The following CSMD3 variants were observed in gnomAD, a reference collection of about 807,000 sequenced individuals.
The protein encoded by CSMD3 is CUB and Sushi multiple domains 3, also known as CUB and sushi domain-containing protein 3.
A neutral mutation model predicts 435.2 loss-of-function variants in CSMD3; 177 were observed. The ratio of observed to expected loss-of-function variants is 0.41; its 90% CI spans 0.36 to 0.46. The LOEUF (loss-of-function observed/expected upper bound fraction) is 0.46. Ranked by LOEUF, CSMD3 falls within the 20% of genes least tolerant of loss-of-function variation. CSMD3 has a pLI of 0.34. For synonymous variants in CSMD3, 1,656 were observed against 1,520.5 expected (o/e 1.09, Z -2.07); for missense variants, 4,265 against 4,504.6 (o/e 0.95, Z 1.52).
intron 3 of CSMD3, among the ~76,000 whole-genome samples, chr8:113,243,053 G>T (rs1036495121): frequency 6.6e-6 from 1 of 151,736 alleles, no homozygotes; most frequent in Non-Finnish European, 1.5e-5. Context: ...AGTTATTAAA[G>T]CAATTTTAAC....
At chr8:113,064,078 T>C (rs534214842) in intron 5 of CSMD3, among the ~76,000 whole-genome samples, 22 of 151,874 alleles carry the variant, frequency 1.4e-4, no homozygotes, top group Middle Eastern at 3.4e-3. Flanking sequence ...CTATTTATTA[T>C]AGTTACAATG....
chr8:112,314,500 C>G lies in CSMD3; in HGVS notation c.7478G>C (p.Gly2493Ala), dbSNP rs1822276539. Residue 2493 changes from glycine to alanine, a missense_variant, in exon 48 of 71, where the codon GGT (glycine) becomes GCT (alanine). Around this residue, in one of 3 missense-constraint regions of CSMD3, gnomAD observed 3,255 missense variants for 3,380.2 expected, o/e 0.96. Coordinates refer to ENST00000297405, the MANE Select transcript of CSMD3 (RefSeq NM_198123.2). ...MCAWSISVEK[G>A]YNITMFVEFF... ...TTCTACAAACATGGTGATATTATAA[C>G]CCTTTTCCACTGAAATGCTCCATGC... 1.2e-6 allele frequency: 2 copies of G among 1,612,400 alleles called. No individual in the cohort carries two copies. The highest frequency in any genetic ancestry group is 1.7e-6 in the Non-Finnish European group (2 of 1,178,716).
chr8:112,623,911 T>TGAAGGCTAAATTTCA (rs1834277547), intron 22 of CSMD3, among the ~76,000 whole-genome samples: 1 of 152,014 alleles, frequency 6.6e-6, no homozygotes, highest in Admixed American at 6.6e-5. Context: ...AATAAATGAA[T>TGAAGGCTAAATTTCA]GAAGGCTAAA....
At chr8:112,437,345 A>T (rs1215844704) in intron 32 of CSMD3, among the ~76,000 whole-genome samples, 1 of 152,138 alleles carries the variant, frequency 6.6e-6, no homozygotes, top group Non-Finnish European at 1.5e-5. Context: ...ATAAAAAGTA[A>T]GAGTAAAACA....
At chr8:112,600,905 G>A (rs1469219468) in intron 22 of CSMD3, among the ~76,000 whole-genome samples, 2 of 151,980 alleles carry the variant, frequency 1.3e-5, no homozygotes, top group Non-Finnish European at 2.9e-5. Flanking sequence ...TCTCGATCTC[G>A]TGATCCATCC....
At chr8:113,129,823 C>G (rs1290475444) in intron 4 of CSMD3, among the ~76,000 whole-genome samples, 1 of 151,944 alleles carries the variant, frequency 6.6e-6, no homozygotes, top group African/African-American at 2.4e-5. Context: ...ATTCTGACCA[C>G]ATAATGAAAC....
rs73335589 is a variant in CSMD3, at chr8:113,266,382, A to C, written c.514+12210T>G. 2.9e-3 allele frequency among the ~76,000 whole-genome samples: 438 copies of C among 151,414 alleles called. 2 individuals are homozygous for C. The highest frequency in any genetic ancestry group is 9.7e-3 in the African/African-American group (403 of 41,498). On this transcript the variant is annotated intron_variant, in intron 3 of 70. Transcript: ENST00000297405. ...TGCATTTTATGTTACCTATTGTTTT[A>C]ATATACATTCTTGTTTAAGCAATGT...
intron 5 of CSMD3, among the ~76,000 whole-genome samples, chr8:113,088,045 C>T (rs978923638): frequency 6.1e-5 from 9 of 147,162 alleles, no homozygotes; most frequent in East Asian, 2.1e-4. Flanking sequence ...AAAAAGTGGG[C>T]CAAGGACATG....
At chr8:112,573,074 T>C (rs1365525535) in intron 24 of CSMD3, among the ~76,000 whole-genome samples, 1 of 152,106 alleles carries the variant, frequency 6.6e-6, no homozygotes, top group African/African-American at 2.4e-5. Flanking sequence ...TAGTTACTCT[T>C]TAGTGTGAAA....
At chr8:113,179,932 A>G (rs1588215870) in intron 3 of CSMD3, among the ~76,000 whole-genome samples, 1 of 151,912 alleles carries the variant, frequency 6.6e-6, no homozygotes, top group African/African-American at 2.4e-5. Context: ...AAAATGTTTT[A>G]CAAATTATCA....
At chr8:113,224,466 T>C (rs2093003853) in intron 3 of CSMD3, among the ~76,000 whole-genome samples, 1 of 151,318 alleles carries the variant, frequency 6.6e-6, no homozygotes, top group African/African-American at 2.4e-5. Flanking sequence ...ATTCTCAAAC[T>C]GTGTCACCTA....
chr8:113,021,205 A>G (rs950697483), intron 5 of CSMD3, among the ~76,000 whole-genome samples: 1 of 152,066 alleles, frequency 6.6e-6, no homozygotes, highest in Admixed American at 6.6e-5. Flanking sequence ...TCCAATCTGA[A>G]TTTAGTTAAC....
chr8:112,441,176 A>C (rs1267319458), intron 32 of CSMD3, among the ~76,000 whole-genome samples: 2 of 152,078 alleles, frequency 1.3e-5, no homozygotes, highest in Non-Finnish European at 2.9e-5. Flanking sequence ...TCAAAGTTCC[A>C]CAGATCTCTA....
chr8:113,329,188 G>A (rs997524486), intron 1 of CSMD3, among the ~76,000 whole-genome samples: 1 of 76,300 alleles, frequency 1.3e-5, no homozygotes. Context: ...GCTACTACAA[G>A]TATGTTTAAA....
intron 3 of CSMD3, among the ~76,000 whole-genome samples, chr8:113,222,447 A>G (rs1166675896): frequency 6.6e-6 from 1 of 151,046 alleles, no homozygotes; most frequent in Non-Finnish European, 1.5e-5. Flanking sequence ...TCATTTCAAG[A>G]AACCAAGTTC....
intron 10 of CSMD3, among the ~76,000 whole-genome samples, chr8:112,908,694 A>G (rs1170658863): frequency 1.3e-5 from 2 of 151,546 alleles, no homozygotes; most frequent in Non-Finnish European, 3.0e-5. Flanking sequence ...GGTCTTTGGT[A>G]TTCATAGCCC....
At chr8:112,401,318 A>G (rs1187877156) in intron 35 of CSMD3, among the ~76,000 whole-genome samples, 1 of 151,560 alleles carries the variant, frequency 6.6e-6, no homozygotes, top group Non-Finnish European at 1.5e-5. Flanking sequence ...TTCGCTTGCT[A>G]TTTTGCTATT....
chr8:112,791,656 C>T (rs1374489832), intron 13 of CSMD3, among the ~76,000 whole-genome samples: 1 of 151,872 alleles, frequency 6.6e-6, no homozygotes, highest in African/African-American at 2.4e-5. Flanking sequence ...TGGATTGTTT[C>T]CAGTTTGTAG....
chr8:112,477,648 C>T (rs1028207107), intron 31 of CSMD3, among the ~76,000 whole-genome samples: 13 of 152,108 alleles, frequency 8.5e-5, no homozygotes, highest in Non-Finnish European at 2.9e-5. Context: ...ATGTAACATA[C>T]CTGCTCCCGC....
Sources: gnomAD v4.1 joint callset for allele counts (sites outside exome capture counted in the v4.1 genomes callset) on GRCh38, gnomAD v4.1.1 for gene constraint, gnomAD v4.1.1 regional missense constraint, MANE v1.5 for transcripts, NCBI Gene and HGNC (gene_info 2026-07-23, HGNC 2026-07-21) for gene names.